CROT: variants seen among roughly 807,000 people sequenced by gnomAD.
CROT encodes the protein peroxisomal carnitine O-octanoyltransferase.
A neutral mutation model predicts 89.2 loss-of-function variants in CROT; 84 were observed. The observed-to-expected ratio is 0.94, with a 90% confidence interval of 0.79 to 1.13. The LOEUF is 1.13. Among genes scored for constraint, CROT ranks in the 50% most tolerant of loss-of-function variants. The pLI is 0.00. For missense variants in CROT, 711 were observed against 727.8 expected, an observed-to-expected ratio of 0.98 and a Z score of 0.27; for synonymous variants, 212 against 239.5, an observed-to-expected ratio of 0.89 and a Z score of 1.06.
chr7:87,367,377 T>C (rs962870668), intron 6 of CROT, among the ~76,000 whole-genome samples: 1 of 152,178 alleles, frequency 6.6e-6, no homozygotes, highest in East Asian at 1.9e-4. Flanking sequence ...CCAATTTTCT[T>C]CTAGAGCCTC....
At chr7:87,379,229 G>GT (rs1235577982) in intron 10 of CROT, among the ~76,000 whole-genome samples, 1 of 152,062 alleles carries the variant, frequency 6.6e-6, no homozygotes, top group Non-Finnish European at 1.5e-5. Flanking sequence ...CCTCTTAACA[G>GT]TATTTTCCTC....
Position 87,361,819 on chromosome 7 carries a change from A to C in CROT, c.514A>C (p.Thr172Pro). 1 of 1,605,536 alleles carries C rather than the reference A, an allele frequency of 6.2e-7. No individual in the cohort carries two copies. The highest frequency in any genetic ancestry group is 8.5e-7 in the Non-Finnish European group (1 of 1,177,244). ...LFSTCKVPGI[T>P]RDSIMNYFRT... ...TTCTACCTGCAAGGTTCCAGGAATT[A>C]CTAGAGACTCCATTATGAATTATTT... Residue 172 changes from threonine (T) to proline (P), a missense_variant, in exon 6 of 18, where the codon ACT (threonine) becomes CCT (proline). By Grantham distance (38) the Thr-to-Pro change is conservative (BLOSUM62 -1). Transcript: ENST00000331536.
intron 4 of CROT, chr7:87,359,810 G>A: frequency 4.1e-6 from 4 of 983,066 alleles, no homozygotes; most frequent in Non-Finnish European, 4.8e-6. Flanking sequence ...AATTGAGGAA[G>A]CTAGTATAAT....
In CROT at chr7:87,375,881, A is replaced by C. The variant is rs779271477; in HGVS notation, c.804A>C (p.Lys268Asn). ...LDPENLALLE[K>N]IQSSLLVYSM... ...CAGAGAACTTGGCTTTGTTAGAAAAAATTCAGAGTAGTTTACTGGTATATT... is the reference window on the plus strand; with the variant it reads ...CAGAGAACTTGGCTTTGTTAGAAAACATTCAGAGTAGTTTACTGGTATATT... Residue 268 changes from lysine (K) to asparagine (N), a missense_variant, in exon 9 of 18, where the codon AAA becomes AAC. Lys to Asn is a moderately conservative substitution (Grantham distance 94). Transcript: ENST00000331536. 12 of 1,613,442 alleles carry C rather than the reference A, an allele frequency of 7.4e-6. No homozygotes were observed. Among genetic ancestry groups the C allele is most frequent in the Non-Finnish European group, 1.0e-5 (12 of 1,179,598 alleles).
intron 6 of CROT, among the ~76,000 whole-genome samples, chr7:87,368,529 A>G (rs905813639): frequency 2.0e-5 from 3 of 152,154 alleles, no homozygotes; most frequent in African/African-American, 7.2e-5. Flanking sequence ...TAAGAGAAAA[A>G]AGAGTATTTT....
chr7:87,395,516 C>T (rs1807497344), intron 17 of CROT, among the ~76,000 whole-genome samples: 1 of 152,198 alleles, frequency 6.6e-6, no homozygotes, highest in Non-Finnish European at 1.5e-5. Flanking sequence ...GCCAACACTA[C>T]TGTTTTGTGC....
intron 13 of CROT, among the ~76,000 whole-genome samples, chr7:87,389,713 T>A (rs1000088915): frequency 6.6e-6 from 1 of 152,202 alleles, no homozygotes; most frequent in African/African-American, 2.4e-5. Flanking sequence ...ATGGCACATG[T>A]ATACCTATGT....
intron 14 of CROT, among the ~76,000 whole-genome samples, chr7:87,392,056 T>C (rs943615984): frequency 5.3e-5 from 8 of 152,194 alleles, no homozygotes; most frequent in African/African-American, 1.9e-4. Context: ...TGGTTGAATG[T>C]TTTTGAAATG....
chr7:87,356,504 A>G (rs1806072186), intron 3 of CROT, among the ~76,000 whole-genome samples: 1 of 152,244 alleles, frequency 6.6e-6, no homozygotes, highest in African/African-American at 2.4e-5. Context: ...TAGACTAATA[A>G]TAACAGATTC....
chr7:87,381,658 C>T (rs1390388415), intron 10 of CROT, among the ~76,000 whole-genome samples: 1 of 152,202 alleles, frequency 6.6e-6, no homozygotes, highest in Non-Finnish European at 1.5e-5. Flanking sequence ...TATACACCCT[C>T]ATGACCCCAA....
At chr7:87,367,020 C>G (rs1806469036) in intron 6 of CROT, among the ~76,000 whole-genome samples, 1 of 152,220 alleles carries the variant, frequency 6.6e-6, no homozygotes, top group Non-Finnish European at 1.5e-5. Context: ...ATCTTCCCAT[C>G]ATGACATTTA....
intron 17 of CROT, among the ~76,000 whole-genome samples, chr7:87,395,065 C>CTAA (rs1412772504): frequency 6.6e-6 from 1 of 151,952 alleles, no homozygotes; most frequent in Non-Finnish European, 1.5e-5. Flanking sequence ...AGGGACAGAA[C>CTAA]TAATAGGATA....
At chr7:87,365,540 T>C (rs1806412312) in intron 6 of CROT, among the ~76,000 whole-genome samples, 1 of 150,540 alleles carries the variant, frequency 6.6e-6, no homozygotes, top group African/African-American at 2.4e-5. Flanking sequence ...TGTGTGTTGA[T>C]GGGATGGGCA....
chr7:87,391,638 C>T lies in CROT; in HGVS notation c.1351C>T (p.Arg451Cys), dbSNP rs1445805416. Residue 451 changes from arginine (R) to cysteine (C), a missense_variant, in exon 14 of 18, where the codon CGT becomes TGT. Coordinates refer to ENST00000331536, the MANE Select transcript of CROT (RefSeq NM_021151.4). ...TATGACAAGACATTTTTATCATGGC[C>T]GTACAGAGACTATGCGATCATGCAC... is the stretch of plus-strand genomic sequence containing the variant. ...TAMTRHFYHGRTETMRSCTVE... is the reference protein window; with the variant it reads ...TAMTRHFYHGCTETMRSCTVE... The T allele has an allele frequency of 5.6e-6, 9 of 1,609,822 alleles. No homozygotes were observed. Among genetic ancestry groups the T allele is most frequent in the South Asian group, 3.3e-5 (3 of 90,056 alleles).
At chr7:87,346,516 C>G (rs1179805317) in intron 2 of CROT, 86 bp downstream of exon 2, 3 of 152,174 alleles carry the variant, frequency 2.0e-5, no homozygotes, top group South Asian at 2.1e-4. Flanking sequence ...AAAGTCAATT[C>G]TAATTAAATC....
intron 3 of CROT, among the ~76,000 whole-genome samples, chr7:87,351,113 C>A (rs1805852703): frequency 6.6e-6 from 1 of 151,780 alleles, no homozygotes; most frequent in East Asian, 1.9e-4. Flanking sequence ...TCGAGACCAT[C>A]CTGGCTAACA....
At chr7:87,385,092 T>C (rs966932228) in intron 13 of CROT, among the ~76,000 whole-genome samples, 1 of 152,140 alleles carries the variant, frequency 6.6e-6, no homozygotes, top group Non-Finnish European at 1.5e-5. Flanking sequence ...TTGGTTACTA[T>C]AGTTTGGCGG....
chr7:87,377,792 G>A (rs1470863864), intron 10 of CROT, among the ~76,000 whole-genome samples: 4 of 152,080 alleles, frequency 2.6e-5, no homozygotes, highest in Admixed American at 1.3e-4. Flanking sequence ...GCAGAGCAAT[G>A]CATATGGATA....
chr7:87,393,308 G>A (rs1199302261), intron 17 of CROT, among the ~76,000 whole-genome samples: 1 of 151,950 alleles, frequency 6.6e-6, no homozygotes, highest in Admixed American at 6.6e-5. Flanking sequence ...AAGTCGATTC[G>A]GCAATCATAT....
Sources: gnomAD v4.1 joint callset for allele counts (sites outside exome capture counted in the v4.1 genomes callset) on GRCh38, gnomAD v4.1.1 for gene constraint, MANE v1.5 for transcripts, NCBI Gene and HGNC (gene_info 2026-07-23, HGNC 2026-07-21) for gene names.